NRG3: variants seen among roughly 807,000 people sequenced by gnomAD.
The protein encoded by NRG3 is neuregulin 3.
Under a neutral mutation model 66.9 loss-of-function variants are expected in NRG3, and 31 were observed. The observed-to-expected ratio is 0.46, with a 90% CI of 0.35 to 0.63. NRG3 has a LOEUF of 0.63. Ranked by LOEUF, NRG3 falls within the 20% of genes least tolerant of loss-of-function variation. The pLI is 0.00. For missense variants in NRG3, 910 were observed against 878.9 expected, an observed-to-expected ratio of 1.04 and a Z score of -0.45; for synonymous variants, 393 against 359.4, an observed-to-expected ratio of 1.09 and a Z score of -1.06.
intron 1 of NRG3, among the ~76,000 whole-genome samples, chr10:82,201,327 T>G (rs1388141991): frequency 3.3e-5 from 5 of 152,096 alleles, no homozygotes; most frequent in Admixed American, 3.3e-4. Context: ...TGATAGCACT[T>G]TAGCCAACAG....
intron 5 of NRG3, among the ~76,000 whole-genome samples, chr10:82,953,939 C>A (rs1258573785): frequency 7.3e-6 from 1 of 137,178 alleles, no homozygotes; most frequent in Non-Finnish European, 1.5e-5. Flanking sequence ...ACCTAGGCAA[C>A]AGAGTGAGAT....
intron 3 of NRG3, among the ~76,000 whole-genome samples, chr10:82,772,490 C>A (rs1180113509): frequency 1.3e-5 from 2 of 152,056 alleles, no homozygotes. Context: ...CTCCCTTGTG[C>A]CCTTAATAAC....
chr10:82,155,165 T>G (rs1187708832), intron 1 of NRG3, among the ~76,000 whole-genome samples: 1 of 151,770 alleles, frequency 6.6e-6, no homozygotes, highest in Non-Finnish European at 1.5e-5. Context: ...ATAAATGTTT[T>G]CTGATTAATG....
At chr10:82,825,267 C>G (rs1027029252) in intron 3 of NRG3, among the ~76,000 whole-genome samples, 4 of 152,030 alleles carry the variant, frequency 2.6e-5, no homozygotes, top group African/African-American at 9.7e-5. Flanking sequence ...AAGATTTGCA[C>G]CTATGGATTT....
rs551676959 is a variant in NRG3, at chr10:82,394,194, G to A, written c.953+35326G>A. 1.4e-4 allele frequency among the ~76,000 whole-genome samples: 21 copies of A among 152,266 alleles called. No individual in the cohort carries two copies. In the South Asian group the frequency reaches 4.4e-3, roughly 32 times the overall value. On this transcript the variant is annotated intron_variant, in intron 2 of 8. Coordinates refer to ENST00000372141, the MANE Select transcript of NRG3 (RefSeq NM_001010848.4). ...TTCCCTTTGGGTTGAGCGTGAGGGG[G>A]CTTCTTCTTCCTCTCTCATGTCACA... is the stretch of plus-strand genomic sequence containing the variant.
chr10:81,902,527 G>A (rs1268966428), intron 1 of NRG3, among the ~76,000 whole-genome samples: 5 of 152,132 alleles, frequency 3.3e-5, no homozygotes, highest in Non-Finnish European at 7.4e-5. Context: ...TTGAGGATAC[G>A]GGAGCAGGGG....
At chr10:82,159,237 A>G (rs1005118266) in intron 1 of NRG3, among the ~76,000 whole-genome samples, 3 of 151,862 alleles carry the variant, frequency 2.0e-5, no homozygotes, top group Admixed American at 1.3e-4. Context: ...TTCATATGCA[A>G]TGGTTCTCTA....
At chr10:82,385,893 G>A (rs1166392916) in intron 2 of NRG3, among the ~76,000 whole-genome samples, 1 of 152,048 alleles carries the variant, frequency 6.6e-6, no homozygotes, top group Non-Finnish European at 1.5e-5. Context: ...TGCTTTTCAT[G>A]TTGTCTTAAA....
chr10:82,196,157 G>A (rs978888766), intron 1 of NRG3, among the ~76,000 whole-genome samples: 2 of 152,150 alleles, frequency 1.3e-5, no homozygotes, highest in African/African-American at 4.8e-5. Flanking sequence ...GTATAAATGG[G>A]TGACAAGATG....
At chr10:82,184,839 C>G (rs577514642) in intron 1 of NRG3, among the ~76,000 whole-genome samples, 1 of 152,058 alleles carries the variant, frequency 6.6e-6, no homozygotes, top group Non-Finnish European at 1.5e-5. Context: ...GACTTACTGT[C>G]AAAATCAACA....
chr10:82,480,829 C>A (rs1842210439), intron 2 of NRG3, among the ~76,000 whole-genome samples: 1 of 152,206 alleles, frequency 6.6e-6, no homozygotes, highest in South Asian at 2.1e-4. Context: ...AAGCCTAGTG[C>A]TGATGGAAGT....
intron 3 of NRG3, among the ~76,000 whole-genome samples, chr10:82,758,298 A>C (rs2135024983): frequency 6.6e-6 from 1 of 152,230 alleles, no homozygotes; most frequent in African/African-American, 2.4e-5. Flanking sequence ...CTAAAAAGCA[A>C]GTTTTGGAGA....
intron 1 of NRG3, among the ~76,000 whole-genome samples, chr10:82,277,671 G>T (rs139469801): frequency 1.6e-4 from 24 of 151,994 alleles, no homozygotes; most frequent in Non-Finnish European, 2.6e-4. Context: ...CTATTGCTCC[G>T]TGCTGGTCTG....
intron 3 of NRG3, among the ~76,000 whole-genome samples, chr10:82,765,286 C>T (rs535859727): frequency 6.6e-5 from 10 of 152,104 alleles, no homozygotes; most frequent in African/African-American, 2.4e-4. Context: ...ACAATTCACA[C>T]AAAATAAATT....
rs139461344 is a variant in NRG3, at chr10:81,917,875, G to C, written c.823+41712G>C. ...TTCAGGAGGGGAAAGTCATTTCTAT[G>C]ACTAGTACTTTTCAGGAGACATGGG... On this transcript the variant is annotated intron_variant, in intron 1 of 8. Transcript: ENST00000372141. Among the ~76,000 whole-genome samples, 10 of 152,284 alleles carry C rather than the reference G, an allele frequency of 6.6e-5. No homozygotes were observed. In the East Asian group the frequency reaches 1.9e-3, roughly 29 times the overall value.
chr10:82,362,101 A>AAAAAAAAAAAAAAAAAAAAAC (rs2084182276), intron 2 of NRG3, among the ~76,000 whole-genome samples: 1 of 146,926 alleles, frequency 6.8e-6, no homozygotes, highest in African/African-American at 2.5e-5. Context: ...AAAAAAAAAA[A>AAAAAAAAAAAAAAAAAAAAAC]AAAAAAAAGG....
intron 1 of NRG3, among the ~76,000 whole-genome samples, chr10:82,014,217 G>A (rs1051133543): frequency 6.6e-6 from 1 of 152,134 alleles, no homozygotes; most frequent in African/African-American, 2.4e-5. Flanking sequence ...CAGTTCCTCT[G>A]TGCTACTTCC....
intron 3 of NRG3, among the ~76,000 whole-genome samples, chr10:82,798,096 C>A (rs1338615206): frequency 6.6e-6 from 1 of 151,830 alleles, no homozygotes; most frequent in Non-Finnish European, 1.5e-5. Flanking sequence ...TCTTTGAGAA[C>A]CTACTTGAAA....
intron 1 of NRG3, among the ~76,000 whole-genome samples, chr10:82,048,357 C>G (rs1000716285): frequency 5.3e-5 from 8 of 151,978 alleles, no homozygotes; most frequent in African/African-American, 1.9e-4. Flanking sequence ...AAGTAAAGCT[C>G]TCCTCAGCAA....
Sources: allele counts gnomAD v4.1 joint callset (sites outside exome capture counted in the v4.1 genomes callset), GRCh38; gene constraint gnomAD v4.1.1; transcripts MANE v1.5; gene names NCBI Gene and HGNC (gene_info 2026-07-23, HGNC 2026-07-21).